The following ZNF398 variants were observed in gnomAD, a reference collection of about 807,000 sequenced individuals.
The protein encoded by ZNF398 is zinc finger protein 398, also known as zinc finger DNA binding protein ZER6.
A neutral mutation model predicts 41.9 loss-of-function variants in ZNF398; 18 were observed. That is an observed-to-expected ratio of 0.43 (90% CI 0.30 to 0.64). The LOEUF (loss-of-function observed/expected upper bound fraction) is 0.64, where lower values mean the gene tolerates loss of function less well. Ranked by LOEUF, ZNF398 falls within the 30% of genes least tolerant of loss-of-function variation. The pLI is 0.14. For missense variants in ZNF398, 669 were observed against 822.8 expected (o/e 0.81, Z 2.29); for synonymous variants, 260 against 308.8 (o/e 0.84, Z 1.66).
At position 149,181,700 on chromosome 7, in the gene ZNF398, G is replaced by A. The variant is rs1355474617; in HGVS notation, c.*1899G>A. 1 of 152,208 alleles carries A rather than the reference G, an allele frequency of 6.6e-6. No homozygotes were observed. Among genetic ancestry groups the A allele is most frequent in the African/African-American group, 2.4e-5 (1 of 41,448 alleles). The allele number at this position is 152,208 out of a possible 1,614,324, so 9.4% of individuals were successfully genotyped here. On this transcript the variant is annotated 3_prime_UTR_variant, in exon 6 of 6. Coordinates refer to ENST00000475153, the MANE Select transcript of ZNF398 (RefSeq NM_170686.3). ...AGGGACCATGGGAGACACAAGAAAT[G>A]TGTGTCTGCTGTCATAACTTACAGT...
chr7:149,162,747 G>A (rs1249509247), intron 2 of ZNF398, among the ~76,000 whole-genome samples: 3 of 152,014 alleles, frequency 2.0e-5, no homozygotes, highest in Non-Finnish European at 4.4e-5. Flanking sequence ...AAGTCCATTT[G>A]TTTCAGAAAT....
chr7:149,148,842 T>G (rs1827031041), intron 1 of ZNF398, among the ~76,000 whole-genome samples: 1 of 146,414 alleles, frequency 6.8e-6, no homozygotes, highest in Non-Finnish European at 1.5e-5. Context: ...ATGAGATTTA[T>G]GCACGGACCT....
intron 2 of ZNF398, among the ~76,000 whole-genome samples, chr7:149,157,474 G>A (rs1795005866): frequency 6.6e-6 from 1 of 150,758 alleles, no homozygotes; most frequent in African/African-American, 2.4e-5. Context: ...GGCGGAGCTT[G>A]CAGTGAGCCA....
Position 149,133,759 on chromosome 7 carries a change from T to G in ZNF398, c.-490+4815T>G, listed in dbSNP as rs183802626. ...TTTTTTGTGACCTTCAGATTTTTTT[T>G]TTTTGTTTTTTTGAGACGGAGTTTT... On this transcript the variant is annotated intron_variant, in intron 2 of 6. Transcript: ENST00000426851. 6.9e-3 allele frequency among the ~76,000 whole-genome samples: 966 copies of G among 140,094 alleles called. 8 individuals carry two copies. The highest frequency in any genetic ancestry group is 0.013 in the South Asian group (59 of 4,434). 91.9% of individuals were successfully genotyped at this position (140,094 alleles called of 152,430 possible). A position where few individuals can be genotyped will look rare whatever the true frequency, so the allele number is the denominator to read the frequency against.
chr7:149,133,687 A>ATG (rs56758859), intron 2 of ZNF398, among the ~76,000 whole-genome samples: 3 of 62,670 alleles, frequency 4.8e-5, no homozygotes, highest in African/African-American at 1.8e-4. Flanking sequence ...ATACATATAT[A>ATG]TGTGTGTATA....
At chr7:149,154,887 G>C (rs6948001) in intron 2 of ZNF398, among the ~76,000 whole-genome samples, 1 of 151,830 alleles carries the variant, frequency 6.6e-6, no homozygotes, top group Non-Finnish European at 1.5e-5. Context: ...CACTCGGGAG[G>C]CTGAGGCTGG....
At chr7:149,164,209 C>T (rs571379985) in intron 2 of ZNF398, among the ~76,000 whole-genome samples, 100 of 151,836 alleles carry the variant, frequency 6.6e-4, no homozygotes, top group African/African-American at 2.4e-3. Flanking sequence ...AGATCGAGAC[C>T]ATCCTGGCTA....
intron 1 of ZNF398, among the ~76,000 whole-genome samples, chr7:149,128,179 G>C (rs1032546018): frequency 1.3e-5 from 2 of 152,178 alleles, no homozygotes; most frequent in African/African-American, 4.8e-5. Context: ...GTTACAGCTT[G>C]ATTTTACACG....
intron 2 of ZNF398, among the ~76,000 whole-genome samples, chr7:149,162,090 G>T (rs1795116086): frequency 6.6e-6 from 1 of 152,158 alleles, no homozygotes; most frequent in Non-Finnish European, 1.5e-5. Flanking sequence ...GTGCAGTGGT[G>T]CTATCTTGGC....
At chr7:149,165,404 G>A (rs1795206475) in intron 2 of ZNF398, among the ~76,000 whole-genome samples, 1 of 152,212 alleles carries the variant, frequency 6.6e-6, no homozygotes, top group South Asian at 2.1e-4. Flanking sequence ...ATTGCAGTGA[G>A]CTGCAGTTGC....
At chr7:149,141,648 G>A (rs545606413) in intron 2 of ZNF398, among the ~76,000 whole-genome samples, 51 of 152,052 alleles carry the variant, frequency 3.4e-4, no homozygotes, top group African/African-American at 1.2e-3. Context: ...TAGAGACGGG[G>A]TTTCACCGTG....
At chr7:149,166,964 C>A in intron 4 of ZNF398, 34 bp downstream of exon 4, 1 of 1,490,054 alleles carries the variant, frequency 6.7e-7, no homozygotes, top group South Asian at 1.2e-5. Context: ...CTTCTTGTCT[C>A]CCTTTCCTGG....
chr7:149,155,728 TTA>T lies in ZNF398; in HGVS notation c.420+1389_420+1390del, dbSNP rs1244706039. On this transcript the variant is annotated intron_variant, in intron 2 of 5. Coordinates refer to ENST00000475153, the MANE Select transcript of ZNF398 (RefSeq NM_170686.3). ...ATATATTTTTTTTTTTTTTTTTTTT[TTA>T]ATTTTTTTTTTTTTGAGATGGAGTC... 2.8e-3 allele frequency among the ~76,000 whole-genome samples: 83 copies of T among 30,076 alleles called. 1 individual carries two copies. The highest frequency in any genetic ancestry group is 0.025 in the Middle Eastern group (1 of 40). The allele number at this position is 30,076 out of a possible 152,430, so 19.7% of individuals were successfully genotyped here. A position where few individuals can be genotyped will look rare whatever the true frequency, so the allele number is the denominator to read the frequency against.
At chr7:149,158,433 A>C in intron 2 of ZNF398, among the ~76,000 whole-genome samples, 1 of 152,154 alleles carries the variant, frequency 6.6e-6, no homozygotes, top group African/African-American at 2.4e-5. Flanking sequence ...GGAGATGAGG[A>C]AGTACCTGGG....
upstream of ZNF398, among the ~76,000 whole-genome samples, chr7:149,144,884 C>T (rs1394902644): frequency 6.6e-6 from 1 of 152,102 alleles, no homozygotes; most frequent in African/African-American, 2.4e-5. Flanking sequence ...TCACCGTGCC[C>T]GGCTTCTCGG....
At position 149,169,977 on chromosome 7, in the gene ZNF398, G is replaced by A. The variant is rs144314271; in HGVS notation, c.661+3047G>A. On this transcript the variant is annotated intron_variant, in intron 4 of 5. Coordinates refer to ENST00000475153, the MANE Select transcript of ZNF398 (RefSeq NM_170686.3). ...ACAGGCTTCCCAGAGTCCTCTCCCA[G>A]TGGAGTCTTATAGGATATGCTTAAT... Among the ~76,000 whole-genome samples, 6 of 152,230 alleles carry A rather than the reference G, an allele frequency of 3.9e-5. No individual in the cohort carries two copies. In the East Asian group the frequency reaches 1.2e-3, roughly 29 times the overall value.
At position 149,181,297 on chromosome 7, in the gene ZNF398, A is replaced by G. The variant is rs1259313826; in HGVS notation, c.*1496A>G. 3 of 152,110 alleles carry G rather than the reference A, an allele frequency of 2.0e-5. No individual in the cohort carries two copies. The highest frequency in any genetic ancestry group is 4.4e-5 in the Non-Finnish European group (3 of 68,042). The allele number at this position is 152,110 out of a possible 1,614,324, so 9.4% of individuals were successfully genotyped here. A position where few individuals can be genotyped will look rare whatever the true frequency, so the allele number is the denominator to read the frequency against. Reference sequence around the variant, plus strand: ...GTCAAAGCAGATAAATTCTTGTTGAAACTTGACTAAAATTTATTTGATTTG... The same window carrying G: ...GTCAAAGCAGATAAATTCTTGTTGAGACTTGACTAAAATTTATTTGATTTG... On this transcript the variant is annotated 3_prime_UTR_variant, in exon 6 of 6. Transcript: ENST00000475153.
At position 149,147,816 on chromosome 7, in the gene ZNF398, G is replaced by A. The variant is rs1323291698; in HGVS notation, c.24+50G>A. ...TGTGAGCCCCCGAGACCCAGACCCC[G>A]AGGGAGGAAGGCGGGCGGGCAGGGA... On this transcript the variant is annotated intron_variant, in intron 1 of 5. Coordinates refer to ENST00000475153, the MANE Select transcript of ZNF398 (RefSeq NM_170686.3). The surrounding 1 kb of genome is among the most constrained non-coding windows in gnomAD (Gnocchi z 5.6). The A allele has an allele frequency of 3.0e-6, 4 of 1,343,502 alleles. No individual in the cohort carries two copies. In the African/African-American group the frequency reaches 4.6e-5, roughly 15 times the overall value. 83.2% of individuals were successfully genotyped at this position (1,343,502 alleles called of 1,614,324 possible). A position where few individuals can be genotyped will look rare whatever the true frequency, so the allele number is the denominator to read the frequency against.
At chr7:149,169,197 G>T (rs942106576) in intron 4 of ZNF398, among the ~76,000 whole-genome samples, 3 of 152,138 alleles carry the variant, frequency 2.0e-5, no homozygotes, top group African/African-American at 7.2e-5. Flanking sequence ...AGATGCTCAT[G>T]CCTCAACCCC....
Sources: allele counts gnomAD v4.1 joint callset (sites outside exome capture counted in the v4.1 genomes callset), GRCh38; gene constraint gnomAD v4.1.1; non-coding constraint Gnocchi (gnomAD v3.1); transcripts MANE v1.5; gene names NCBI Gene and HGNC (gene_info 2026-07-23, HGNC 2026-07-21).